Variants in RBFOX1 observed in about 807,000 individuals in gnomAD.
RBFOX1 encodes the protein RNA binding protein fox-1 homolog 1.
In RBFOX1, 8 loss-of-function variants were observed where a neutral mutation model predicts 57.7. The observed-to-expected ratio is 0.14, with a 90% CI of 0.08 to 0.25. RBFOX1 has a LOEUF of 0.25. RBFOX1 is among the 10% of genes least tolerant of loss of function. RBFOX1 has a pLI of 1.00. For synonymous variants in RBFOX1, 326 were observed against 222.4 expected (o/e 1.47, Z -4.15); for missense variants, 611 against 548.5 (o/e 1.11, Z -1.14).
At chr16:7,265,974 T>A (rs535359202) in intron 4 of RBFOX1, among the ~76,000 whole-genome samples, 7 of 136,736 alleles carry the variant, frequency 5.1e-5, no homozygotes, top group Admixed American at 1.4e-4. Flanking sequence ...GTTTTTTTTT[T>A]TTTTTTTTTT....
intron 2 of RBFOX1, among the ~76,000 whole-genome samples, chr16:6,342,858 T>A (rs1233491244): frequency 6.6e-6 from 1 of 152,206 alleles, no homozygotes; most frequent in East Asian, 1.9e-4. Flanking sequence ...GTGAGAGGAA[T>A]GCTTTATCCT....
chr16:6,321,887 C>A (rs560299329), intron 2 of RBFOX1, among the ~76,000 whole-genome samples: 2 of 152,176 alleles, frequency 1.3e-5, no homozygotes, highest in Admixed American at 6.5e-5. Context: ...GACTCCAGAT[C>A]TATCACTGAA....
At chr16:7,575,121 G>T (rs75778565) in intron 5 of RBFOX1, among the ~76,000 whole-genome samples, 1 of 151,972 alleles carries the variant, frequency 6.6e-6, no homozygotes, top group Non-Finnish European at 1.5e-5. Context: ...CCTGGATTTA[G>T]GATGGGCTCA....
intron 3 of RBFOX1, among the ~76,000 whole-genome samples, chr16:5,682,319 T>G (rs2050366547): frequency 6.6e-6 from 1 of 152,146 alleles, no homozygotes; most frequent in Admixed American, 6.5e-5. Flanking sequence ...CTGAAGAACT[T>G]TTTTAAAAAT....
chr16:5,427,698 C>T (rs1300179208), intron 1 of RBFOX1, among the ~76,000 whole-genome samples: 2 of 152,176 alleles, frequency 1.3e-5, no homozygotes, highest in Admixed American at 6.5e-5. Context: ...AGCTCAAAGG[C>T]CGTCTGCTGT....
Position 7,325,691 on chromosome 16 carries a change from G to C in RBFOX1, c.28-192456G>C, listed in dbSNP as rs930399233. 2.0e-5 allele frequency among the ~76,000 whole-genome samples: 3 copies of C among 152,126 alleles called. No individual in the cohort carries two copies. In the South Asian group the frequency reaches 6.2e-4, roughly 32 times the overall value. On this transcript the variant is annotated intron_variant, in intron 4 of 15. Coordinates refer to ENST00000550418, the MANE Select transcript of RBFOX1 (RefSeq NM_018723.4). The stretch of plus-strand genomic sequence containing the variant: ...GTTGGTTGATGGTCTGGTGTATCCT[G>C]TCCACAGTCTATGGAAGCTTTTCCT...
At chr16:6,504,211 G>C (rs1301594487) in intron 2 of RBFOX1, among the ~76,000 whole-genome samples, 2 of 152,172 alleles carry the variant, frequency 1.3e-5, no homozygotes, top group African/African-American at 4.8e-5. Context: ...GCATGATAGA[G>C]CTAGCACCAA....
intron 4 of RBFOX1, among the ~76,000 whole-genome samples, chr16:7,086,721 T>TACACACACACACAGAC (rs1555460284): frequency 6.7e-6 from 1 of 149,476 alleles, no homozygotes; most frequent in African/African-American, 2.5e-5. Flanking sequence ...GAAGAATGTA[T>TACACACACACACAGAC]ACACACACAC....
intron 1 of RBFOX1, among the ~76,000 whole-genome samples, chr16:6,233,671 C>A (rs931106488): frequency 6.6e-6 from 1 of 152,082 alleles, no homozygotes; most frequent in African/African-American, 2.4e-5. Flanking sequence ...CACAGTAGAG[C>A]AATCATAGCT....
intron 1 of RBFOX1, among the ~76,000 whole-genome samples, chr16:6,116,438 TAATC>T (rs1479590666): frequency 6.6e-6 from 1 of 152,180 alleles, no homozygotes; most frequent in African/African-American, 2.4e-5. Flanking sequence ...AAAAAGCTGT[TAATC>T]AAAGTTTTCT....
At position 5,947,424 on chromosome 16, in the gene RBFOX1, T is replaced by C. The variant is rs143005390; in HGVS notation, c.351+80089T>C. Among the ~76,000 whole-genome samples the C allele has an allele frequency of 1.4e-4, 21 of 152,236 alleles. No homozygotes were observed. Among genetic ancestry groups the C allele is most frequent in the Non-Finnish European group, 2.6e-4 (18 of 68,014 alleles). On this transcript the variant is annotated intron_variant, in intron 4 of 19. Transcript: ENST00000641259. The surrounding 1 kb of genome is among the most constrained non-coding windows in gnomAD (Gnocchi z 7.2). ...TTGCTCTCGCTCAGACTGGAGTGCA[T>C]TGGTATGATCATGGCTCACTACAGC...
chr16:6,827,745 C>T (rs993753575), intron 3 of RBFOX1, among the ~76,000 whole-genome samples: 1 of 152,156 alleles, frequency 6.6e-6, no homozygotes, highest in African/African-American at 2.4e-5. Flanking sequence ...ACATGGATCT[C>T]CGGTCACCTC....
intron 1 of RBFOX1, among the ~76,000 whole-genome samples, chr16:6,171,985 G>A (rs921100502): frequency 1.1e-4 from 16 of 151,784 alleles, no homozygotes; most frequent in Admixed American, 4.6e-4. Context: ...CCACGCTTGG[G>A]TAATTTTTTG....
At chr16:6,135,993 C>A (rs551272096) in intron 1 of RBFOX1, among the ~76,000 whole-genome samples, 2 of 151,994 alleles carry the variant, frequency 1.3e-5, no homozygotes, top group South Asian at 4.2e-4. Flanking sequence ...TGGGTTTTCA[C>A]CATGTCGGCC....
At chr16:7,380,607 G>C (rs2147922129) in intron 4 of RBFOX1, among the ~76,000 whole-genome samples, 1 of 152,272 alleles carries the variant, frequency 6.6e-6, no homozygotes, top group South Asian at 2.1e-4. Context: ...TCCAAACTCT[G>C]GTCTGCTTTC....
intron 3 of RBFOX1, among the ~76,000 whole-genome samples, chr16:6,854,677 C>G (rs184120307): frequency 1.4e-5 from 2 of 140,910 alleles, no homozygotes; most frequent in African/African-American, 2.7e-5. Context: ...TCACTGCAAG[C>G]TCCGCCTCCT....
intron 3 of RBFOX1, among the ~76,000 whole-genome samples, chr16:6,965,492 A>C (rs1416117323): frequency 6.6e-6 from 1 of 152,016 alleles, no homozygotes; most frequent in African/African-American, 2.4e-5. Context: ...GTGCGCCACC[A>C]TGCCTGGCTA....
chr16:7,352,610 G>T (rs563992693), intron 4 of RBFOX1, among the ~76,000 whole-genome samples: 1 of 152,222 alleles, frequency 6.6e-6, no homozygotes, highest in East Asian at 1.9e-4. Flanking sequence ...AAACAAGCTC[G>T]CTATATTTCC....
chr16:7,572,408 A>G (rs755659891), intron 5 of RBFOX1, among the ~76,000 whole-genome samples: 17 of 152,186 alleles, frequency 1.1e-4, no homozygotes, highest in Non-Finnish European at 2.1e-4. Flanking sequence ...CAAGTGGTAC[A>G]GTTTTGCCTC....
Sources: gnomAD v4.1 joint callset for allele counts (sites outside exome capture counted in the v4.1 genomes callset) on GRCh38, gnomAD v4.1.1 for gene constraint, Gnocchi (gnomAD v3.1) non-coding constraint, MANE v1.5 for transcripts, NCBI Gene and HGNC (gene_info 2026-07-23, HGNC 2026-07-21) for gene names.